CLUH: variants seen among roughly 807,000 people sequenced by gnomAD.
CLUH encodes CLUH binding protein of NUMT mRNA.
A neutral mutation model predicts 139.3 loss-of-function variants in CLUH; 77 were observed. The ratio of observed to expected loss-of-function variants is 0.55; its 90% CI spans 0.46 to 0.67. CLUH has a LOEUF of 0.67. Ranked by LOEUF, CLUH falls within the 30% of genes least tolerant of loss-of-function variation. The pLI is 0.00. For synonymous variants in CLUH, 999 were observed against 801.6 expected (o/e 1.25, Z -4.16); for missense variants, 1,876 against 1,875.8 (o/e 1.00, Z 0.00).
rs368364853 is a variant in CLUH at position 2,694,925 on chromosome 17, C to G, written c.2784G>C (p.Met928Ile). Residue 928 changes from methionine (M) to isoleucine (I), a missense_variant, in exon 16 of 26, where the codon ATG becomes ATC. Physicochemically the swap from Met to Ile is conservative, Grantham distance 10 (BLOSUM62 1). Around this residue, in one of 3 missense-constraint regions of CLUH, gnomAD observed 1,454 missense variants for 1,384.4 expected, o/e 1.05. Transcript: ENST00000651024. ...GAADNTAWAV[M>I]TPQELWKNIC... is the part of the protein sequence containing the mutation. ...TGTTCTTCCAGAGCTCCTGGGGGGT[C>G]ATGACAGCCCAGGCTGTGTTATCTG... 6.3e-7 allele frequency: 1 copy of G among 1,589,382 alleles called. No individual in the cohort carries two copies. The highest frequency in any genetic ancestry group is 8.6e-7 in the Non-Finnish European group (1 of 1,166,272).
At chr17:2,705,149 T>C (rs1440571951) in intron 1 of CLUH, among the ~76,000 whole-genome samples, 1 of 151,108 alleles carries the variant, frequency 6.6e-6, no homozygotes, top group Admixed American at 6.6e-5. Context: ...GGCATCAACA[T>C]GTGGCTGTCC....
Position 2,698,425 on chromosome 17 carries a change from C to T in CLUH, c.1432G>A (p.Gly478Arg). 6.2e-7 allele frequency: 1 copy of T among 1,613,390 alleles called. No homozygotes were observed. The highest frequency in any genetic ancestry group is 1.1e-5 in the South Asian group (1 of 91,074). Residue 478 changes from glycine to arginine, a missense_variant, in exon 10 of 26, where the codon GGG becomes AGG. Gly to Arg is a moderately radical substitution (Grantham distance 125). Transcript: ENST00000651024. ...GCCACGTAGGCCGCCACGTCCCCCC[C>T]GAAGTCCTTGTAGTGGTCTCGGACG... Reference protein sequence around the residue: ...FDVRDHYKDFGGDVAAYVAPT... With the variant: ...FDVRDHYKDFRGDVAAYVAPT...
intron 6 of CLUH, 30 bp downstream of exon 6, chr17:2,701,335 AG>A (rs751956160): frequency 1.5e-5 from 24 of 1,606,072 alleles, no homozygotes; most frequent in South Asian, 3.3e-5. Context: ...CTGGCACGGC[AG>A]GGGGGTGTGG....
rs1343791284 is a variant in CLUH at position 2,706,808 on chromosome 17, C to T, written c.101-2244G>A. 6.6e-6 allele frequency among the ~76,000 whole-genome samples: 1 copy of T among 152,192 alleles called. No homozygotes were observed. The stretch of plus-strand genomic sequence containing the variant: ...GGGAGAAGCAGGAAGGGCCCCCACC[C>T]AATATAGAACAGCAGTTTTGAGCTA... On this transcript the variant is annotated intron_variant, in intron 1 of 25. Transcript: ENST00000651024. This position sits in a 1 kb window ranked among gnomAD's most constrained non-coding sequence, Gnocchi z 4.6.
intron 16 of CLUH, 136 bp downstream of exon 16, chr17:2,694,721 T>C (rs2069862377): frequency 1.5e-6 from 2 of 1,360,100 alleles, no homozygotes; most frequent in Non-Finnish European, 9.9e-7. Context: ...CAGCACCCAG[T>C]GATCTCCACA....
Position 2,689,983 on chromosome 17 carries a change from ACCACG to A in CLUH, c.*606_*610del, listed in dbSNP as rs1188214890. On this transcript the variant is annotated 3_prime_UTR_variant, in exon 26 of 26. Coordinates refer to ENST00000651024, the MANE Select transcript of CLUH (RefSeq NM_001366661.1). ...CCCTCCGTTCGGGAGCAGCAGCCAG[ACCACG>A]CCAGTCACAACGGCGGCTCCCGTCC... 3 of 152,394 alleles carry A rather than the reference ACCACG, an allele frequency of 2.0e-5. No individual in the cohort carries two copies. Among genetic ancestry groups the A allele is most frequent in the East Asian group, 3.9e-4 (2 of 5,164 alleles). 9.4% of individuals were successfully genotyped at this position (152,394 alleles called of 1,614,324 possible).
At chr17:2,709,005 C>T (rs970846423) in intron 1 of CLUH, among the ~76,000 whole-genome samples, 4 of 152,158 alleles carry the variant, frequency 2.6e-5, no homozygotes, top group Non-Finnish European at 4.4e-5. Flanking sequence ...TTCTGCAGAG[C>T]GGGAGAGCCG....
chr17:2,697,957 C>A lies in CLUH; in HGVS notation c.1900G>T (p.Ala634Ser). The change falls in exon 10 of 26, where the codon GCC becomes TCC. Residue 634 changes from alanine (A) to serine (S), a missense_variant. Physicochemically the swap from Ala to Ser is moderately conservative, Grantham distance 99. This residue lies in a region of CLUH where 1,454 missense variants were observed against 1,384.4 expected (regional missense o/e 1.05). Transcript: ENST00000651024. ...AGGCAGCAGAGCTTGTGCCGGTGGG[C>A]GCGGGGGAAGCCGGCGCGGGCGCAT... ...EECARAGFPR[A>S]HRHKLCCLRQ... The A allele has an allele frequency of 1.3e-6, 2 of 1,566,046 alleles. No homozygotes were observed. Among genetic ancestry groups the A allele is most frequent in the South Asian group, 2.3e-5 (2 of 85,908 alleles).
At chr17:2,710,428 T>A (rs529052699) in intron 1 of CLUH, among the ~76,000 whole-genome samples, 3 of 152,218 alleles carry the variant, frequency 2.0e-5, no homozygotes, top group African/African-American at 7.2e-5. Context: ...GCTGTCCCCA[T>A]CCTGATTCCC....
chr17:2,694,325 G>A (rs374322132), intron 17 of CLUH, 49 bp from the exon 18 acceptor site: 98 of 1,547,870 alleles, frequency 6.3e-5, no homozygotes, highest in Middle Eastern at 3.4e-4. Context: ...CAGGTTCAGC[G>A]GGTTGGCACC....
Position 2,711,658 on chromosome 17 carries a change from C to T in CLUH, c.4G>A (p.Val2Ile). The change falls in exon 1 of 26, where the codon GTT (valine) becomes ATT (isoleucine). Residue 2 changes from valine to isoleucine, a missense_variant. By Grantham distance (29) the Val-to-Ile change is conservative. Transcript: ENST00000651024. M[V>I]IKTDELPAAA... ...GCCGGCAACTCGTCCGTCTTGATAA[C>T]CATGGTGGCGGGAGCGGGCGTCCGC... The T allele has an allele frequency of 3.0e-6, 3 of 984,530 alleles. No individual in the cohort carries two copies. Among genetic ancestry groups the T allele is most frequent in the Non-Finnish European group, 3.6e-6 (3 of 829,384 alleles). The allele number at this position is 984,530 out of a possible 1,614,324, so 61.0% of individuals were successfully genotyped here.
rs1009048443 is a variant in CLUH, at chr17:2,696,763, T to G, written c.2141A>C (p.Lys714Thr). The G allele has an allele frequency of 2.5e-6, 4 of 1,612,564 alleles. No individual in the cohort carries two copies. The African/African-American group carries it at 4.0e-5, about 16-fold the overall frequency. ...GATGGTCTCTGCCAGCTCCTTCACCTTGGCCAGGCCGCTGGCGCTGCTACC... is the reference window on the plus strand; with the variant it reads ...GATGGTCTCTGCCAGCTCCTTCACCGTGGCCAGGCCGCTGGCGCTGCTACC... ...EEGSSASGLA[K>T]VKELAETIAA... Residue 714 changes from lysine (K) to threonine (T), a missense_variant, in exon 11 of 26, where the codon AAG (lysine) becomes ACG (threonine). Lys to Thr is a moderately conservative substitution (Grantham distance 78, BLOSUM62 -1). Transcript: ENST00000651024.
rs1293128656 is a variant in CLUH at position 2,707,748 on chromosome 17, C to G, written c.101-3184G>C. 3.0e-6 allele frequency: 3 copies of G among 985,452 alleles called. No homozygotes were observed. Among genetic ancestry groups the G allele is most frequent in the East Asian group, 1.1e-4 (1 of 8,812 alleles). The allele number at this position is 985,452 out of a possible 1,614,324, so 61.0% of individuals were successfully genotyped here. On this transcript the variant is annotated intron_variant, in intron 1 of 25. Transcript: ENST00000651024. The surrounding 1 kb of genome is among the most constrained non-coding windows in gnomAD (Gnocchi z 7.4). ...GACCCGGGTCCAGGCCATAAGGTGGCTGCCTCTGCCCACCAGTCCCAGACA... is the reference window on the plus strand; with the variant it reads ...GACCCGGGTCCAGGCCATAAGGTGGGTGCCTCTGCCCACCAGTCCCAGACA...
intron 10 of CLUH, among the ~76,000 whole-genome samples, chr17:2,697,430 T>G (rs955965374): frequency 2.0e-5 from 3 of 150,350 alleles, no homozygotes; most frequent in Admixed American, 6.6e-5. Context: ...AGCTGCGTTC[T>G]GGAGGGTATG....
Position 2,695,514 on chromosome 17 carries a change from T to A in CLUH, c.2404A>T (p.Met802Leu), listed in dbSNP as rs780717065. 5 of 1,603,312 alleles carry A rather than the reference T, an allele frequency of 3.1e-6. No individual in the cohort carries two copies. The highest frequency in any genetic ancestry group is 1.7e-4 in the Middle Eastern group (1 of 6,052). ...CQIPGLVKDC[M>L]EHAVLPVDGA... Reference sequence around the variant, plus strand: ...TCCACGGGCAGGACCGCGTGCTCCATGCAGTCCTTCACCTGCGGGCTGCAG... The same window carrying A: ...TCCACGGGCAGGACCGCGTGCTCCAAGCAGTCCTTCACCTGCGGGCTGCAG... The change falls in exon 14 of 26, where the codon ATG (methionine) becomes TTG (leucine). Residue 802 changes from methionine (M) to leucine (L), a missense_variant. Met to Leu is a conservative substitution (Grantham distance 15). Transcript: ENST00000651024.
chr17:2,692,872 C>T lies in CLUH; in HGVS notation c.3232-12G>A. 1 of 1,573,968 alleles carries T rather than the reference C, an allele frequency of 6.4e-7. No individual in the cohort carries two copies. The highest frequency in any genetic ancestry group is 8.6e-7 in the Non-Finnish European group (1 of 1,157,660). On this transcript the variant is annotated splice_polypyrimidine_tract_variant and intron_variant, in intron 19 of 25. Coordinates refer to ENST00000651024, the MANE Select transcript of CLUH (RefSeq NM_001366661.1). ...TGGTTACTCAGGGCCTGGGGAGAGA[C>T]AGTGGTGGTTGCCGCGGCGTGGGAA...
Position 2,706,447 on chromosome 17 carries a change from C to G in CLUH, c.101-1883G>C, listed in dbSNP as rs539250668. Among the ~76,000 whole-genome samples, 41 of 152,244 alleles carry G rather than the reference C, an allele frequency of 2.7e-4. No individual in the cohort carries two copies. The highest frequency in any genetic ancestry group is 7.9e-4 in the African/African-American group (33 of 41,526). On this transcript the variant is annotated intron_variant, in intron 1 of 25. Transcript: ENST00000651024. The surrounding 1 kb of genome is among the most constrained non-coding windows in gnomAD (Gnocchi z 4.6). ...CTGCAGCCCGCACCCTACGCCGCGG[C>G]ACTCCCTCAACTCTGGCCACTGAGG...
intron 24 of CLUH, 27 bp downstream of exon 24, chr17:2,691,734 G>GA: frequency 1.9e-6 from 3 of 1,600,726 alleles, no homozygotes; most frequent in Non-Finnish European, 2.6e-6. Flanking sequence ...TCGCCGGGCC[G>GA]GAGGGGCCGC....
rs767163370 is a variant in CLUH, at chr17:2,703,520, G to A, written c.304-31C>T. ...GGGAGAAGGCCCCGCCCACCCCGGT[G>A]AGAGAGCACGTAGCGGGGAGAGAAG... On this transcript the variant is annotated intron_variant, in intron 2 of 25. Transcript: ENST00000651024. The surrounding 1 kb of genome is among the most constrained non-coding windows in gnomAD (Gnocchi z 4.2). 5.6e-6 allele frequency: 9 copies of A among 1,604,746 alleles called. No individual in the cohort carries two copies. The South Asian group carries it at 7.7e-5, about 14-fold the overall frequency.
Sources: gnomAD v4.1 joint callset for allele counts (sites outside exome capture counted in the v4.1 genomes callset) on GRCh38, gnomAD v4.1.1 for gene constraint, gnomAD v4.1.1 regional missense constraint, Gnocchi (gnomAD v3.1) non-coding constraint, MANE v1.5 for transcripts, NCBI Gene and HGNC (gene_info 2026-07-23, HGNC 2026-07-21) for gene names.